The following KLHL1 variants were observed in gnomAD, a reference collection of about 807,000 sequenced individuals.
The protein encoded by KLHL1 is kelch like family member 1, also known as kelch-like protein 1.
Under a neutral mutation model 77.7 loss-of-function variants are expected in KLHL1, and 47 were observed. The observed-to-expected ratio is 0.60, with a 90% CI of 0.48 to 0.77. The LOEUF (loss-of-function observed/expected upper bound fraction) is 0.77, where lower values mean the gene tolerates loss of function less well. Ranked by LOEUF, KLHL1 falls within the 30% of genes least tolerant of loss-of-function variation. KLHL1 has a pLI of 0.00. For synonymous variants in KLHL1, 360 were observed against 325.2 expected, an observed-to-expected ratio of 1.11 and a Z score of -1.15; for missense variants, 925 against 910.8, an observed-to-expected ratio of 1.02 and a Z score of -0.20.
intron 8 of KLHL1, among the ~76,000 whole-genome samples, chr13:69,735,651 A>G (rs893847377): frequency 6.6e-6 from 1 of 151,136 alleles, no homozygotes; most frequent in South Asian, 2.1e-4. Context: ...CCAAATTTAA[A>G]CAGCACTAAA....
At chr13:70,000,458 A>G (rs1885260202) in intron 1 of KLHL1, among the ~76,000 whole-genome samples, 1 of 152,036 alleles carries the variant, frequency 6.6e-6, no homozygotes, top group Non-Finnish European at 1.5e-5. Flanking sequence ...TACATTAGTT[A>G]TATAATACCG....
At chr13:69,963,337 G>A (rs988559224) in intron 2 of KLHL1, among the ~76,000 whole-genome samples, 1 of 151,972 alleles carries the variant, frequency 6.6e-6, no homozygotes, top group Non-Finnish European at 1.5e-5. Flanking sequence ...ATTAATCTTT[G>A]TACAGTAATT....
In KLHL1 at chr13:69,794,529, A is replaced by G. The variant is rs146498671; in HGVS notation, c.1639+2209T>C. On this transcript the variant is annotated intron_variant, in intron 7 of 10. Coordinates refer to ENST00000377844, the MANE Select transcript of KLHL1 (RefSeq NM_020866.3). ...AACAGTAGAAAAAAAAAGAGGAGAA[A>G]AAGGATGAACAACAGAGAAAGAGGA... Among the ~76,000 whole-genome samples the G allele has an allele frequency of 1.2e-3, 186 of 151,836 alleles. 2 individuals are homozygous for G. The highest frequency in any genetic ancestry group is 4.2e-3 in the African/African-American group (173 of 41,436).
At chr13:70,010,851 C>A (rs1279080086) in intron 1 of KLHL1, among the ~76,000 whole-genome samples, 1 of 151,424 alleles carries the variant, frequency 6.6e-6, no homozygotes, top group East Asian at 1.9e-4. Context: ...AAGATTGCGC[C>A]ATTGCACTCC....
chr13:69,786,807 A>G (rs1876575123), intron 7 of KLHL1, among the ~76,000 whole-genome samples: 3 of 152,230 alleles, frequency 2.0e-5, no homozygotes, highest in Non-Finnish European at 2.9e-5. Flanking sequence ...ACTTCAGCAA[A>G]GTCTCAGGAT....
In KLHL1 at chr13:69,759,259, A is replaced by G. The variant is rs147743831; in HGVS notation, c.1640-18703T>C. 9.4e-3 allele frequency among the ~76,000 whole-genome samples: 1,436 copies of G among 152,286 alleles called. 21 individuals carry two copies. Among genetic ancestry groups the G allele is most frequent in the African/African-American group, 0.032 (1,323 of 41,570 alleles). On this transcript the variant is annotated intron_variant, in intron 7 of 10. Transcript: ENST00000377844. Reference sequence around the variant, plus strand: ...AAAACTAAAGACGTAAGCTCACAGTAAGATGTGTGCAAGGCTCTGGGGGTG... The same window carrying G: ...AAAACTAAAGACGTAAGCTCACAGTGAGATGTGTGCAAGGCTCTGGGGGTG...
intron 5 of KLHL1, among the ~76,000 whole-genome samples, chr13:69,857,176 CTA>C (rs1566332522): frequency 6.6e-6 from 1 of 152,022 alleles, no homozygotes; most frequent in Non-Finnish European, 1.5e-5. Flanking sequence ...AATAATTTGA[CTA>C]TGACATGTAT....
At position 69,888,234 on chromosome 13, in the gene KLHL1, C is replaced by T. The variant is rs546596943; in HGVS notation, c.1015-5739G>A. Among the ~76,000 whole-genome samples the T allele has an allele frequency of 1.6e-4, 24 of 152,248 alleles. No homozygotes were observed. In the South Asian group the frequency reaches 5.0e-3, roughly 32 times the overall value. ...GAGCCCTTATGACCCAAATACCTCA[C>T]AATGTCCTCCAGCTTTTAATATAAC... is the stretch of plus-strand genomic sequence containing the variant. On this transcript the variant is annotated intron_variant, in intron 4 of 10. Coordinates refer to ENST00000377844, the MANE Select transcript of KLHL1 (RefSeq NM_020866.3).
intron 4 of KLHL1, among the ~76,000 whole-genome samples, chr13:69,938,646 T>C (rs924590808): frequency 5.3e-5 from 8 of 152,108 alleles, no homozygotes; most frequent in African/African-American, 1.9e-4. Context: ...TGGTGGCAGT[T>C]GGACTTTGAT....
In KLHL1 at chr13:69,991,380, A is replaced by AACAACAACAATG. The variant is rs565557329; in HGVS notation, c.498-15590_498-15579dup. ...CAGATCTAGGAGTTGGTTCTTTGAAAACAACAACAATGACAACAACAACAA... is the reference window on the plus strand; with the variant it reads ...CAGATCTAGGAGTTGGTTCTTTGAAAACAACAACAATGACAACAACAATGACAACAACAACAA... On this transcript the variant is annotated intron_variant, in intron 1 of 10. Coordinates refer to ENST00000377844, the MANE Select transcript of KLHL1 (RefSeq NM_020866.3). 4.8e-3 allele frequency among the ~76,000 whole-genome samples: 716 copies of AACAACAACAATG among 149,432 alleles called. 3 individuals are homozygous for AACAACAACAATG. Among genetic ancestry groups the AACAACAACAATG allele is most frequent in the Middle Eastern group, 0.017 (5 of 288 alleles).
intron 1 of KLHL1, among the ~76,000 whole-genome samples, chr13:69,997,814 T>C (rs757631338): frequency 3.4e-5 from 5 of 149,196 alleles, no homozygotes; most frequent in Admixed American, 6.7e-5. Context: ...ACCTATTCTT[T>C]ATTATATATA....
At chr13:69,935,002 A>G (rs988757671) in intron 4 of KLHL1, among the ~76,000 whole-genome samples, 3 of 145,470 alleles carry the variant, frequency 2.1e-5, no homozygotes, top group African/African-American at 7.7e-5. Flanking sequence ...ATATATATAC[A>G]TATTATCATT....
At chr13:69,973,864 C>T (rs1440103131) in intron 2 of KLHL1, among the ~76,000 whole-genome samples, 1 of 152,044 alleles carries the variant, frequency 6.6e-6, no homozygotes, top group Non-Finnish European at 1.5e-5. Flanking sequence ...TAGGCTGAGA[C>T]ATCTCCAGGT....
At chr13:70,025,254 A>G (rs1440943471) in intron 1 of KLHL1, among the ~76,000 whole-genome samples, 1 of 152,026 alleles carries the variant, frequency 6.6e-6, no homozygotes, top group Non-Finnish European at 1.5e-5. Flanking sequence ...ATAATCTACA[A>G]GTATAATGTG....
chr13:69,939,723 G>T (rs1051790607), intron 4 of KLHL1, among the ~76,000 whole-genome samples: 1 of 152,058 alleles, frequency 6.6e-6, no homozygotes, highest in Non-Finnish European at 1.5e-5. Flanking sequence ...AGGGCCTGGA[G>T]CCTATGCGCC....
At chr13:69,703,822 T>C (rs7997178) in intron 10 of KLHL1, among the ~76,000 whole-genome samples, 28,401 of 151,524 alleles carry the variant, frequency 0.19, 3,037 homozygotes, top group African/African-American at 0.29. Context: ...GAGCAATAGG[T>C]TATATCATAC....
At chr13:69,994,911 A>C (rs1885113020) in intron 1 of KLHL1, among the ~76,000 whole-genome samples, 1 of 152,130 alleles carries the variant, frequency 6.6e-6, no homozygotes, top group Non-Finnish European at 1.5e-5. Context: ...AAGAAAACCT[A>C]TAGTGAACTT....
At chr13:69,807,817 G>A (rs1403278241) in intron 6 of KLHL1, among the ~76,000 whole-genome samples, 1 of 152,162 alleles carries the variant, frequency 6.6e-6, no homozygotes, top group African/African-American at 2.4e-5. Context: ...CTGAAGCTGA[G>A]GTTTCTTGCA....
At chr13:69,796,180 G>A (rs1877096991) in intron 7 of KLHL1, among the ~76,000 whole-genome samples, 1 of 152,124 alleles carries the variant, frequency 6.6e-6, no homozygotes, top group South Asian at 2.1e-4. Flanking sequence ...AACACAGGAA[G>A]ATGTCAAGAA....
Sources: gnomAD v4.1 joint callset for allele counts (sites outside exome capture counted in the v4.1 genomes callset) on GRCh38, gnomAD v4.1.1 for gene constraint, MANE v1.5 for transcripts, NCBI Gene and HGNC (gene_info 2026-07-23, HGNC 2026-07-21) for gene names.